The following AOPEP variants were observed in gnomAD, a reference collection of about 807,000 sequenced individuals.
AOPEP encodes aminopeptidase O.
A neutral mutation model predicts 98.1 loss-of-function variants in AOPEP; 77 were observed. That is an observed-to-expected ratio of 0.78 (90% CI 0.65 to 0.95). The LOEUF (loss-of-function observed/expected upper bound fraction) is 0.95. Ranked by LOEUF, AOPEP falls within the 40% of genes least tolerant of loss-of-function variation. The probability of loss-of-function intolerance (pLI) is 0.00; values close to 1 mark genes in which losing one functional copy is unlikely to be tolerated. For missense variants in AOPEP, 1,024 were observed against 1,024.7 expected, an observed-to-expected ratio of 1.00 and a Z score of 0.01; for synonymous variants, 346 against 365.3, an observed-to-expected ratio of 0.95 and a Z score of 0.60.
At chr9:94,849,866 G>A (rs1433703617) in intron 5 of AOPEP, among the ~76,000 whole-genome samples, 2 of 152,004 alleles carry the variant, frequency 1.3e-5, no homozygotes, top group African/African-American at 4.8e-5. Flanking sequence ...AAAACCCCGT[G>A]TGTACTAAAA....
At chr9:94,824,418 G>A (rs1382953008) in intron 5 of AOPEP, 1 of 152,200 alleles carries the variant, frequency 6.6e-6, no homozygotes, top group Non-Finnish European at 1.5e-5. Context: ...TATGAATGCA[G>A]AGGTGTTTAG....
At chr9:95,020,087 A>G (rs532933630) in intron 13 of AOPEP, 1 of 152,324 alleles carries the variant, frequency 6.6e-6, no homozygotes, top group African/African-American at 2.4e-5. Flanking sequence ...TGTTTCACAT[A>G]TGAGAATGCA....
At chr9:94,789,600 G>A (rs2133374979) in intron 3 of AOPEP, among the ~76,000 whole-genome samples, 1 of 152,326 alleles carries the variant, frequency 6.6e-6, no homozygotes, top group Non-Finnish European at 1.5e-5. Context: ...TTATGGAGCA[G>A]TCATGGGAGA....
chr9:94,955,404 GAT>G, intron 8 of AOPEP, 125 bp downstream of exon 8: 1 of 627,338 alleles, frequency 1.6e-6, no homozygotes, highest in Non-Finnish European at 2.7e-6. Context: ...TGACTGGCCA[GAT>G]ATCTGAGCGT....
the AOPEP span, among the ~76,000 whole-genome samples, chr9:95,135,799 C>T: frequency 2.6e-5 from 4 of 152,120 alleles, no homozygotes; most frequent in Admixed American, 1.3e-4. Context: ...CGATAAAAAA[C>T]GGGATGGAAA....
chr9:94,954,425 T>TA (rs1443117888), intron 7 of AOPEP, among the ~76,000 whole-genome samples: 16 of 152,132 alleles, frequency 1.1e-4, no homozygotes, highest in African/African-American at 3.6e-4. Context: ...GGGCCATGTG[T>TA]AAAATAAGCT....
intron 5 of AOPEP, among the ~76,000 whole-genome samples, chr9:94,874,865 A>C (rs1439628413): frequency 6.6e-6 from 1 of 152,200 alleles, no homozygotes; most frequent in Non-Finnish European, 1.5e-5. Flanking sequence ...TGCTTTGCTG[A>C]ATTGACATTT....
chr9:94,863,277 T>C (rs2045287710), intron 5 of AOPEP, among the ~76,000 whole-genome samples: 1 of 125,130 alleles, frequency 8.0e-6, no homozygotes, highest in Non-Finnish European at 1.6e-5. Flanking sequence ...TTTCTCTTTT[T>C]CTCTTTTTTT....
the AOPEP span, among the ~76,000 whole-genome samples, chr9:95,130,487 T>C: frequency 6.6e-6 from 1 of 152,246 alleles, no homozygotes; most frequent in African/African-American, 2.4e-5. Flanking sequence ...TTCATAGATA[T>C]ATTCGCCTTA....
At chr9:95,077,783 C>T (rs919809305) in intron 14 of AOPEP, among the ~76,000 whole-genome samples, 10 of 152,206 alleles carry the variant, frequency 6.6e-5, no homozygotes, top group Admixed American at 6.5e-4. Context: ...TTAAGTGAGA[C>T]TGATGTCATC....
At chr9:95,080,673 G>C (rs1421529997) in intron 14 of AOPEP, 21 bp from the exon 15 acceptor site, 6 of 1,600,504 alleles carry the variant, frequency 3.7e-6, no homozygotes, top group Non-Finnish European at 5.1e-6. Flanking sequence ...TCGCTCACTG[G>C]GCTCTCTCTT....
chr9:95,005,194 G>T lies in AOPEP; in HGVS notation c.2014G>T (p.Gly672Trp). 8.8e-7 allele frequency: 1 copy of T among 1,140,344 alleles called. No homozygotes were observed. The highest frequency in any genetic ancestry group is 4.9e-5 in the East Asian group (1 of 20,428). 70.6% of individuals were successfully genotyped at this position (1,140,344 alleles called of 1,614,324 possible). Residue 672 changes from glycine to tryptophan, a missense_variant, in exon 12 of 17, where the codon GGG (glycine) becomes TGG (tryptophan). This residue lies in a region of AOPEP where 566 missense variants were observed against 551.7 expected (regional missense o/e 1.03). Transcript: ENST00000375315. ...GGAGCGTCGCGCCGGGGCGGAGTGC[G>T]GGCTTGCGCGGCAAGTGCGCGCCGA... ...QRERRAGAEC[G>W]LARQVRAEVT...
intron 1 of AOPEP, among the ~76,000 whole-genome samples, chr9:94,728,740 G>A (rs1285530733): frequency 1.3e-5 from 2 of 152,300 alleles, no homozygotes; most frequent in East Asian, 3.9e-4. Flanking sequence ...ACGATCTCCA[G>A]AGCAGAGGCC....
intron 6 of AOPEP, among the ~76,000 whole-genome samples, chr9:94,924,649 C>T (rs1326711336): frequency 6.6e-6 from 1 of 152,030 alleles, no homozygotes; most frequent in Non-Finnish European, 1.5e-5. Context: ...TGTCTGCTCA[C>T]AAGTAGTGAA....
chr9:94,832,199 T>G (rs923111334), intron 5 of AOPEP, among the ~76,000 whole-genome samples: 2 of 152,124 alleles, frequency 1.3e-5, no homozygotes, highest in African/African-American at 4.8e-5. Flanking sequence ...CAGACAAATA[T>G]GAGCTTCTGA....
At chr9:94,954,557 G>A (rs1417549091) in intron 7 of AOPEP, among the ~76,000 whole-genome samples, 1 of 152,210 alleles carries the variant, frequency 6.6e-6, no homozygotes, top group Admixed American at 6.5e-5. Context: ...TGTGGCCCAT[G>A]GATGGGCTGT....
intron 5 of AOPEP, chr9:94,824,185 C>T (rs1466652608): frequency 6.6e-6 from 1 of 152,136 alleles, no homozygotes; most frequent in South Asian, 2.1e-4. Context: ...TTTTTAGGAA[C>T]AACAACAGTC....
intron 2 of AOPEP, among the ~76,000 whole-genome samples, chr9:94,764,239 G>A (rs900097947): frequency 2.0e-5 from 3 of 152,164 alleles, no homozygotes; most frequent in Admixed American, 6.5e-5. Flanking sequence ...TCCCAGTCAA[G>A]GGACATTAAA....
At position 94,815,436 on chromosome 9, in the gene AOPEP, T is replaced by G. The variant is rs375292987; in HGVS notation, c.1364+14434T>G. On this transcript the variant is annotated intron_variant, in intron 5 of 16. Coordinates refer to ENST00000375315, the MANE Select transcript of AOPEP (RefSeq NM_001193329.3). The stretch of plus-strand genomic sequence containing the variant: ...CCTGTGTCAATTAAGACATTGATAT[T>G]CTTAGTTGCCATGTCAAGAGTCACC... Among the ~76,000 whole-genome samples the G allele has an allele frequency of 6.6e-5, 10 of 152,278 alleles. No individual in the cohort carries two copies. In the South Asian group the frequency reaches 2.1e-3, roughly 32 times the overall value.
Sources: gnomAD v4.1 joint callset for allele counts (sites outside exome capture counted in the v4.1 genomes callset) on GRCh38, gnomAD v4.1.1 for gene constraint, gnomAD v4.1.1 regional missense constraint, MANE v1.5 for transcripts, NCBI Gene and HGNC (gene_info 2026-07-23, HGNC 2026-07-21) for gene names.